Variants in KCNN2 observed in about 807,000 individuals in gnomAD.
The protein encoded by KCNN2 is potassium calcium-activated channel subfamily N member 2, also known as small conductance calcium-activated potassium channel protein 2.
Under a neutral mutation model 55.5 loss-of-function variants are expected in KCNN2, and 24 were observed. The observed-to-expected ratio is 0.43, with a 90% CI of 0.31 to 0.61. KCNN2 has a LOEUF of 0.61. KCNN2 is among the 20% of genes least tolerant of loss of function. The probability of loss-of-function intolerance (pLI) is 0.08; values close to 1 mark genes in which losing one functional copy is unlikely to be tolerated. For synonymous variants in KCNN2, 431 were observed against 336.1 expected (o/e 1.28, Z -3.09); for missense variants, 754 against 853.6 (o/e 0.88, Z 1.45).
intron 1 of KCNN2, among the ~76,000 whole-genome samples, chr5:114,190,416 A>C (rs1308063241): frequency 6.6e-6 from 1 of 152,296 alleles, no homozygotes; most frequent in African/African-American, 2.4e-5. Context: ...TACCTGACTC[A>C]GCGTAGATAT....
At chr5:114,475,263 G>A (rs1249937616) in intron 5 of KCNN2, among the ~76,000 whole-genome samples, 1 of 151,572 alleles carries the variant, frequency 6.6e-6, no homozygotes, top group African/African-American at 2.4e-5. Flanking sequence ...CTTGGCACTC[G>A]TGACTTTTTT....
intron 3 of KCNN2, among the ~76,000 whole-genome samples, chr5:114,462,706 G>T (rs1046748354): frequency 6.6e-6 from 1 of 152,168 alleles, no homozygotes; most frequent in Admixed American, 6.5e-5. Flanking sequence ...GCTGCATATT[G>T]TCTCTTAAGT....
chr5:114,272,028 G>C (rs1164362001), intron 2 of KCNN2, among the ~76,000 whole-genome samples: 1 of 152,070 alleles, frequency 6.6e-6, no homozygotes, highest in East Asian at 1.9e-4. Context: ...GGGAATTTTG[G>C]TTGTGCTTTT....
chr5:114,085,068 A>G (rs7735588), intron 1 of KCNN2, among the ~76,000 whole-genome samples: 65,412 of 150,712 alleles, frequency 0.43, 14,413 homozygotes, highest in East Asian at 0.65. Flanking sequence ...ATATATATAT[A>G]TGTGTGTGTC....
At chr5:114,463,291 C>A in intron 4 of KCNN2, 101 bp downstream of exon 4, 1 of 873,032 alleles carries the variant, frequency 1.1e-6, no homozygotes, top group East Asian at 2.6e-5. Flanking sequence ...CTTCTTTTCC[C>A]ATCAGCAGGA....
chr5:114,150,542 G>T (rs1752500406), intron 1 of KCNN2, among the ~76,000 whole-genome samples: 1 of 152,176 alleles, frequency 6.6e-6, no homozygotes, highest in South Asian at 2.1e-4. Flanking sequence ...TCCCTGAGCT[G>T]ACCCTTGTCA....
chr5:114,370,304 C>T lies in KCNN2; in HGVS notation c.1218+6303C>T, dbSNP rs139289951. On this transcript the variant is annotated intron_variant, in intron 2 of 7. Coordinates refer to ENST00000673685, the MANE Select transcript of KCNN2 (RefSeq NM_021614.4). ...AGCTCTTATTTTTAGTAAGATTTTA[C>T]GTTCAGGTGAAGTCTCATTTTATTT... 3.3e-3 allele frequency among the ~76,000 whole-genome samples: 508 copies of T among 152,126 alleles called. 4 individuals carry two copies. The highest frequency in any genetic ancestry group is 8.9e-4 in the African/African-American group (37 of 41,530).
intron 2 of KCNN2, among the ~76,000 whole-genome samples, chr5:114,393,512 C>T (rs1758518215): frequency 6.6e-6 from 1 of 152,048 alleles, no homozygotes; most frequent in African/African-American, 2.4e-5. Flanking sequence ...CTTCCCTCCT[C>T]TGTTTTTTAA....
chr5:114,210,851 C>T (rs1276866225), intron 1 of KCNN2, among the ~76,000 whole-genome samples: 1 of 152,078 alleles, frequency 6.6e-6, no homozygotes, highest in Non-Finnish European at 1.5e-5. Flanking sequence ...CAGCTCATAG[C>T]TTTGTTCACT....
At chr5:114,307,866 C>T (rs944702297) in intron 2 of KCNN2, among the ~76,000 whole-genome samples, 3 of 152,022 alleles carry the variant, frequency 2.0e-5, no homozygotes, top group Non-Finnish European at 4.4e-5. Context: ...TCCATGGGTG[C>T]CTGCCAGGAC....
At chr5:114,482,797 G>C (rs946444640) in intron 5 of KCNN2, among the ~76,000 whole-genome samples, 1 of 152,124 alleles carries the variant, frequency 6.6e-6, no homozygotes, top group Admixed American at 6.5e-5. Context: ...AACACTACAT[G>C]TTCTGACTTA....
intron 2 of KCNN2, among the ~76,000 whole-genome samples, chr5:114,382,199 C>G (rs997760225): frequency 2.0e-5 from 3 of 152,188 alleles, no homozygotes; most frequent in African/African-American, 7.2e-5. Context: ...TTTACCGTTA[C>G]TATTCTGCAG....
chr5:114,069,953 G>C (rs1487196721), intron 1 of KCNN2, among the ~76,000 whole-genome samples: 2 of 152,180 alleles, frequency 1.3e-5, no homozygotes, highest in Non-Finnish European at 2.9e-5. Flanking sequence ...TAGAATTATT[G>C]AAGGTATAAT....
chr5:114,479,422 G>C (rs868266748), intron 5 of KCNN2, among the ~76,000 whole-genome samples: 1 of 152,096 alleles, frequency 6.6e-6, no homozygotes, highest in Non-Finnish European at 1.5e-5. Context: ...CAAGTACTTA[G>C]GGACCTACAA....
intron 2 of KCNN2, among the ~76,000 whole-genome samples, chr5:114,352,205 A>G (rs1488482685): frequency 1.3e-5 from 2 of 151,808 alleles, no homozygotes; most frequent in South Asian, 2.1e-4. Context: ...TTGTTGGCAT[A>G]TACTTGTTTA....
In KCNN2 at chr5:114,444,279, T is replaced by TA. The variant is rs569667199; in HGVS notation, c.1638-18769dup. On this transcript the variant is annotated intron_variant, in intron 3 of 7. Transcript: ENST00000673685. Reference sequence around the variant, plus strand: ...TGGTAATTCCAGGTGCCATGGACCATACAGCAAGGGATACATAACCCCTTC... The same window carrying TA: ...TGGTAATTCCAGGTGCCATGGACCATAACAGCAAGGGATACATAACCCCTTC... Among the ~76,000 whole-genome samples the TA allele has an allele frequency of 2.8e-4, 42 of 152,074 alleles. No homozygotes were observed. In the South Asian group the frequency reaches 8.5e-3, roughly 31 times the overall value.
At chr5:114,099,635 C>A (rs966462342) in intron 1 of KCNN2, among the ~76,000 whole-genome samples, 1 of 152,084 alleles carries the variant, frequency 6.6e-6, no homozygotes, top group African/African-American at 2.4e-5. Flanking sequence ...TGCCACCATA[C>A]CTGACTTAGA....
At chr5:114,402,835 G>A (rs1758827590) in intron 2 of KCNN2, among the ~76,000 whole-genome samples, 1 of 152,182 alleles carries the variant, frequency 6.6e-6, no homozygotes, top group South Asian at 2.1e-4. Context: ...TACCTGGACA[G>A]GATCACCTAA....
At chr5:114,147,283 T>G (rs937302295) in intron 1 of KCNN2, among the ~76,000 whole-genome samples, 3 of 112,408 alleles carry the variant, frequency 2.7e-5, no homozygotes, top group Admixed American at 2.1e-4. Context: ...ATAGTGCCAG[T>G]GAAGTCAGCC....
Sources: gnomAD v4.1 joint callset for allele counts (sites outside exome capture counted in the v4.1 genomes callset) on GRCh38, gnomAD v4.1.1 for gene constraint, MANE v1.5 for transcripts, NCBI Gene and HGNC (gene_info 2026-07-23, HGNC 2026-07-21) for gene names.